Variants in LRRC4C observed in about 807,000 individuals in gnomAD.
LRRC4C encodes leucine rich repeat containing 4C.
Under a neutral mutation model 33.6 loss-of-function variants are expected in LRRC4C, and 5 were observed. The ratio of observed to expected loss-of-function variants is 0.15; its 90% CI spans 0.08 to 0.31. The LOEUF is 0.31. Ranked by LOEUF, LRRC4C falls within the 10% of genes least tolerant of loss-of-function variation. The pLI, the probability that LRRC4C is intolerant of heterozygous loss-of-function variation, is 1.00. For missense variants in LRRC4C, 560 were observed against 796.7 expected (o/e 0.70, Z 3.58); for synonymous variants, 329 against 302.0 (o/e 1.09, Z -0.93).
intron 1 of LRRC4C, among the ~76,000 whole-genome samples, chr11:41,406,795 G>A (rs991299487): frequency 1.3e-5 from 2 of 150,870 alleles, no homozygotes; most frequent in Non-Finnish European, 2.9e-5. Flanking sequence ...TAGTGTAGTA[G>A]TATCTAAAAG....
At position 40,471,863 on chromosome 11, in the gene LRRC4C, T is replaced by C. The variant is rs1952955216; in HGVS notation, c.-269-152142A>G. Reference sequence around the variant, plus strand: ...CACCACAAATCAACAGAATATACATTCTTCTCAGCACCACATCGCACTTAT... The same window carrying C: ...CACCACAAATCAACAGAATATACATCCTTCTCAGCACCACATCGCACTTAT... On this transcript the variant is annotated intron_variant, in intron 3 of 6. Transcript: ENST00000528697. Among the ~76,000 whole-genome samples the C allele has an allele frequency of 2.6e-5, 4 of 152,274 alleles. No individual in the cohort carries two copies. In the South Asian group the frequency reaches 8.3e-4, roughly 32 times the overall value.
At chr11:40,555,182 A>G (rs1470744239) in intron 3 of LRRC4C, among the ~76,000 whole-genome samples, 2 of 152,164 alleles carry the variant, frequency 1.3e-5, no homozygotes, top group East Asian at 3.9e-4. Flanking sequence ...ATCTAGAGCC[A>G]TATCATCAGG....
chr11:40,937,766 C>T (rs771327307), intron 1 of LRRC4C, among the ~76,000 whole-genome samples: 53 of 152,074 alleles, frequency 3.5e-4, no homozygotes, highest in Non-Finnish European at 6.8e-4. Flanking sequence ...CCTCAGCCTG[C>T]CGAGTAGCTG....
rs192599842 is a variant in LRRC4C at position 40,762,120 on chromosome 11, G to A, written c.-406-113842C>T. Among the ~76,000 whole-genome samples the A allele has an allele frequency of 2.0e-5, 3 of 152,206 alleles. No individual in the cohort carries two copies. In the East Asian group the frequency reaches 5.8e-4, roughly 29 times the overall value. On this transcript the variant is annotated intron_variant, in intron 2 of 6. Coordinates refer to ENST00000528697, the MANE Select transcript of LRRC4C (RefSeq NM_001258419.2). ...TTGGCTATTTTTTCTGCAGTTTTGT[G>A]GAGGGCAGCAGGAGCAAGCCATGGA...
intron 5 of LRRC4C, among the ~76,000 whole-genome samples, chr11:40,200,183 A>C: frequency 8.6e-5 from 1 of 11,624 alleles, no homozygotes; most frequent in East Asian, 5.3e-3. Flanking sequence ...TCTCCACTAA[A>C]AAAAAAAAAA....
At chr11:40,910,013 T>A (rs1956597500) in intron 2 of LRRC4C, among the ~76,000 whole-genome samples, 1 of 152,296 alleles carries the variant, frequency 6.6e-6, no homozygotes, top group Admixed American at 6.5e-5. Context: ...ATAATTCTAT[T>A]TTAAAACTTA....
Position 40,601,931 on chromosome 11 carries a change from G to A in LRRC4C, c.-270+46211C>T, listed in dbSNP as rs150082398. Reference sequence around the variant, plus strand: ...CTGGGCTGAGCGCAGTGGCTCATGCGTGTAATCCCAGCACTTTGGAAGGCC... The same window carrying A: ...CTGGGCTGAGCGCAGTGGCTCATGCATGTAATCCCAGCACTTTGGAAGGCC... On this transcript the variant is annotated intron_variant, in intron 3 of 6. Coordinates refer to ENST00000528697, the MANE Select transcript of LRRC4C (RefSeq NM_001258419.2). 1.5e-3 allele frequency among the ~76,000 whole-genome samples: 228 copies of A among 151,962 alleles called. 1 individual carries two copies. Among genetic ancestry groups the A allele is most frequent in the African/African-American group, 5.0e-3 (207 of 41,474 alleles).
At chr11:41,026,659 A>T (rs1260605226) in intron 1 of LRRC4C, among the ~76,000 whole-genome samples, 1 of 151,390 alleles carries the variant, frequency 6.6e-6, no homozygotes, top group East Asian at 1.9e-4. Flanking sequence ...TATTTTAAGA[A>T]ATTGCCACAG....
rs558747410 is a variant in LRRC4C at position 40,888,183 on chromosome 11, G to A, written c.-407+45452C>T. 4.6e-5 allele frequency among the ~76,000 whole-genome samples: 7 copies of A among 151,874 alleles called. No individual in the cohort carries two copies. In the East Asian group the frequency reaches 1.4e-3, roughly 29 times the overall value. ...AAACATTGTAAGTACATGAGTTCTTGTTCTCCGGAAATAAATGTGATCATA... is the reference window on the plus strand; with the variant it reads ...AAACATTGTAAGTACATGAGTTCTTATTCTCCGGAAATAAATGTGATCATA... On this transcript the variant is annotated intron_variant, in intron 2 of 6. Coordinates refer to ENST00000528697, the MANE Select transcript of LRRC4C (RefSeq NM_001258419.2).
Position 40,600,242 on chromosome 11 carries a change from T to C in LRRC4C, c.-270+47900A>G, listed in dbSNP as rs1438788982. ...ACTGCTTACTGTGTTCCAGATACTA[T>C]GCTAAATCATTTAGAACCATTGTCT... On this transcript the variant is annotated intron_variant, in intron 3 of 6. Transcript: ENST00000528697. Among the ~76,000 whole-genome samples the C allele has an allele frequency of 4.6e-5, 7 of 152,202 alleles. No homozygotes were observed. In the East Asian group the frequency reaches 1.3e-3, roughly 29 times the overall value.
chr11:41,342,802 C>T (rs1390970518), intron 1 of LRRC4C, among the ~76,000 whole-genome samples: 1 of 152,132 alleles, frequency 6.6e-6, no homozygotes, highest in Non-Finnish European at 1.5e-5. Context: ...GGTTAGTTTC[C>T]AAGGGCTGCT....
At chr11:41,412,452 T>C (rs1954524892) in intron 1 of LRRC4C, among the ~76,000 whole-genome samples, 1 of 152,216 alleles carries the variant, frequency 6.6e-6, no homozygotes, top group Admixed American at 6.5e-5. Context: ...CTATTGACAA[T>C]GTTAAGTGAA....
At chr11:41,419,740 A>G (rs1954810861) in intron 1 of LRRC4C, among the ~76,000 whole-genome samples, 1 of 151,904 alleles carries the variant, frequency 6.6e-6, no homozygotes, top group Non-Finnish European at 1.5e-5. Flanking sequence ...TATTTTACTG[A>G]TGTACCACAT....
intron 2 of LRRC4C, among the ~76,000 whole-genome samples, chr11:40,720,983 G>A (rs1946982572): frequency 6.6e-6 from 1 of 152,128 alleles, no homozygotes; most frequent in Admixed American, 6.5e-5. Flanking sequence ...ATTATAGGAA[G>A]TGAAGAATAT....
intron 3 of LRRC4C, among the ~76,000 whole-genome samples, chr11:40,542,036 CTT>C (rs1309976773): frequency 3.8e-4 from 50 of 130,398 alleles, no homozygotes; most frequent in Non-Finnish European, 8.3e-5. Flanking sequence ...TTCTCTTTCT[CTT>C]TCTTTCTCTT....
intron 1 of LRRC4C, among the ~76,000 whole-genome samples, chr11:41,048,236 AAGATTTTCAGTTT>A (rs997567582): frequency 1.3e-5 from 2 of 151,140 alleles, no homozygotes; most frequent in African/African-American, 4.9e-5. Flanking sequence ...TATCTGGAAT[AAGATTTTCAGTTT>A]AGATTCTTTA....
At chr11:41,250,889 G>C (rs76559573) in intron 1 of LRRC4C, among the ~76,000 whole-genome samples, 2,868 of 152,196 alleles carry the variant, frequency 0.019, 90 homozygotes, top group African/African-American at 0.066. Context: ...TCTGATTTTT[G>C]ACTCAACTGT....
intron 6 of LRRC4C, among the ~76,000 whole-genome samples, chr11:40,133,983 C>T (rs1045686099): frequency 2.0e-5 from 3 of 152,058 alleles, no homozygotes; most frequent in African/African-American, 7.2e-5. Flanking sequence ...GGTGAGTAAG[C>T]CAGGAATTAT....
In LRRC4C at chr11:40,159,079, A is replaced by C. The variant is rs565349383; in HGVS notation, c.-95-18226T>G. Among the ~76,000 whole-genome samples, 3 of 152,328 alleles carry C rather than the reference A, an allele frequency of 2.0e-5. No homozygotes were observed. The South Asian group carries it at 6.2e-4, about 32-fold the overall frequency. ...ACTACACTGCGAAAAAGCAAAGTGC[A>C]CATTTCTACGTATAGGGAAAATCCT... On this transcript the variant is annotated intron_variant, in intron 5 of 6. Transcript: ENST00000528697.
Sources: gnomAD v4.1 joint callset for allele counts (sites outside exome capture counted in the v4.1 genomes callset) on GRCh38, gnomAD v4.1.1 for gene constraint, MANE v1.5 for transcripts, NCBI Gene and HGNC (gene_info 2026-07-23, HGNC 2026-07-21) for gene names.